MTHFSD: variants seen among roughly 807,000 people sequenced by gnomAD.
MTHFSD encodes the protein methenyltetrahydrofolate synthase domain-containing protein.
MTHFSD carries 37 observed loss-of-function variants against 31.1 expected under a neutral mutation model. The observed-to-expected ratio is 1.19, with a 90% CI of 0.91 to 1.56. The LOEUF (loss-of-function observed/expected upper bound fraction) is 1.56, where lower values mean the gene tolerates loss of function less well. MTHFSD is among the 40% of genes most tolerant of loss of function. The probability of loss-of-function intolerance (pLI) is 0.00; values close to 1 mark genes in which losing one functional copy is unlikely to be tolerated. For synonymous variants in MTHFSD, 221 were observed against 206.9 expected, an observed-to-expected ratio of 1.07 and a Z score of -0.59; for missense variants, 664 against 510.1, an observed-to-expected ratio of 1.30 and a Z score of -2.91.
intron 2 of MTHFSD, among the ~76,000 whole-genome samples, chr16:86,554,105 C>G (rs138717117): frequency 6.6e-6 from 1 of 152,274 alleles, no homozygotes; most frequent in African/African-American, 2.4e-5. Context: ...GAACCAGCAG[C>G]AACAACCCTC....
intron 7 of MTHFSD, chr16:86,540,945 T>C: frequency 8.7e-7 from 1 of 1,149,912 alleles, no homozygotes; most frequent in Non-Finnish European, 1.1e-6. Flanking sequence ...GTATTCTGTG[T>C]TCATCCTTAG....
At chr16:86,540,807 G>A (rs552602211) in intron 7 of MTHFSD, 2 of 1,013,712 alleles carry the variant, frequency 2.0e-6, no homozygotes, top group African/African-American at 1.7e-5. Context: ...TACACTCTGG[G>A]TTACAAAGGC....
At position 86,539,919 on chromosome 16, in the gene MTHFSD, AAAACCTAT is replaced by A. The variant is rs4029976; in HGVS notation, c.681+1770_681+1777del. ...GCCAAGAGGTAAATTCTTAGATTCTAAAACCTATAAACCTATAAACCTATCACTATAAT... is the reference window on the plus strand; with the variant it reads ...GCCAAGAGGTAAATTCTTAGATTCTAAAACCTATAAACCTATCACTATAAT... On this transcript the variant is annotated intron_variant, in intron 7 of 7. Transcript: ENST00000360900. Among the ~76,000 whole-genome samples, 15 of 152,310 alleles carry A rather than the reference AAAACCTAT, an allele frequency of 9.8e-5. No homozygotes were observed. In the East Asian group the frequency reaches 2.1e-3, roughly 22 times the overall value.
At chr16:86,534,466 G>C (rs1032086976) in intron 7 of MTHFSD, among the ~76,000 whole-genome samples, 1 of 152,214 alleles carries the variant, frequency 6.6e-6, no homozygotes, top group Non-Finnish European at 1.5e-5. Flanking sequence ...CCATAGGGAA[G>C]CTTGAGGTGC....
intron 7 of MTHFSD, among the ~76,000 whole-genome samples, chr16:86,540,547 A>T (rs1003067449): frequency 2.0e-5 from 3 of 152,206 alleles, no homozygotes; most frequent in Admixed American, 1.3e-4. Flanking sequence ...GCAGGCCTAG[A>T]GGGACTGCCA....
chr16:86,547,432 G>T, intron 4 of MTHFSD: 7 of 985,916 alleles, frequency 7.1e-6, no homozygotes, highest in Non-Finnish European at 8.4e-6. Flanking sequence ...GACAAGTTCC[G>T]TATGGATCAG....
At chr16:86,555,099 C>T (rs1973903082) in intron 1 of MTHFSD, 70 bp downstream of exon 1, 1 of 1,521,136 alleles carries the variant, frequency 6.6e-7, no homozygotes, top group African/African-American at 1.4e-5. Context: ...GTGGCCCCGC[C>T]TCGACCCTCA....
In MTHFSD at chr16:86,552,045, C is replaced by A. The variant is rs764529748; in HGVS notation, c.225G>T (p.Leu75=). The change falls in exon 3 of 8, where the codon CTG becomes CTT. Residue 75 remains leucine (L), a synonymous_variant. Transcript: ENST00000360900. The part of the protein sequence containing the change: ...DPDKPLEGVR[L]LVLQSKKTLL... Reference sequence around the variant, plus strand: ...GAAGTGGAATTACCTGCAGCACCAGCAGCCGAACGCCTTCCAGTGGTTTAT... The same window carrying A: ...GAAGTGGAATTACCTGCAGCACCAGAAGCCGAACGCCTTCCAGTGGTTTAT... 41 of 1,614,226 alleles carry A rather than the reference C, an allele frequency of 2.5e-5. No homozygotes were observed. In the South Asian group the frequency reaches 3.0e-4, roughly 12 times the overall value.
chr16:86,541,116 G>A, intron 7 of MTHFSD: 1 of 1,280,302 alleles, frequency 7.8e-7, no homozygotes. Flanking sequence ...TTTGCCAGCA[G>A]AGACAGCATC....
At chr16:86,548,985 G>A (rs1440274570) in intron 3 of MTHFSD, among the ~76,000 whole-genome samples, 2 of 152,196 alleles carry the variant, frequency 1.3e-5, no homozygotes, top group Middle Eastern at 3.2e-3. Flanking sequence ...ATTAGAAACT[G>A]GCATGGCATA....
Position 86,546,663 on chromosome 16 carries a change from T to C in MTHFSD, c.352-14A>G, listed in dbSNP as rs200054917. The C allele has an allele frequency of 4.4e-4, 707 of 1,607,212 alleles. 3 individuals carry two copies. The African/African-American group carries it at 8.4e-3, about 19-fold the overall frequency. On this transcript the variant is annotated splice_polypyrimidine_tract_variant and intron_variant, in intron 4 of 7. Transcript: ENST00000360900. ...GTTCCTCACACCCTGCACACAGAGA[T>C]ACGGATTGGAAAACTTCAACTCCAG...
Position 86,541,675 on chromosome 16 carries a change from G to A in MTHFSD, c.681+22C>T, listed in dbSNP as rs9674116. On this transcript the variant is annotated intron_variant, in intron 7 of 7. Transcript: ENST00000360900. ...AGGAGCCGCTAAGCTACAGGCCAGA[G>A]CTGGCCACTGCCGTGACCCACCTTG... The A allele has an allele frequency of 2.7e-3, 4,418 of 1,608,480 alleles. 96 individuals carry two copies. In the African/African-American group the frequency reaches 0.05, roughly 18 times the overall value.
chr16:86,545,826 A>G (rs576542841), intron 5 of MTHFSD, among the ~76,000 whole-genome samples: 1 of 152,350 alleles, frequency 6.6e-6, no homozygotes, highest in African/African-American at 2.4e-5. Context: ...ATACCAGAAC[A>G]GTGCGCTCCT....
At chr16:86,540,683 A>G (rs1971374624) in intron 7 of MTHFSD, 1 of 987,514 alleles carries the variant, frequency 1.0e-6, no homozygotes, top group Non-Finnish European at 1.2e-6. Context: ...GCTGTGGACC[A>G]GAGTTCCCAA....
chr16:86,547,504 C>A (rs1339404170), intron 4 of MTHFSD: 2 of 986,308 alleles, frequency 2.0e-6, no homozygotes, highest in East Asian at 2.3e-4. Context: ...CCAGGAAACC[C>A]TGCACTGCAG....
At chr16:86,554,853 C>A (rs147269932) in intron 1 of MTHFSD, 102 bp from the exon 2 acceptor site, 1 of 1,127,366 alleles carries the variant, frequency 8.9e-7, no homozygotes, top group African/African-American at 1.6e-5. Flanking sequence ...TAGGTCAAAC[C>A]GGCTTCCGAT....
chr16:86,551,960 A>T, intron 3 of MTHFSD, 73 bp downstream of exon 3: 1 of 1,598,102 alleles, frequency 6.3e-7, no homozygotes, highest in South Asian at 1.1e-5. Context: ...AGACGTGTGC[A>T]CTGACCAGCT....
chr16:86,541,939 G>A, intron 6 of MTHFSD, 117 bp from the exon 7 acceptor site: 1 of 1,444,240 alleles, frequency 6.9e-7, no homozygotes, highest in East Asian at 2.3e-5. Context: ...ATCCACTCTG[G>A]GGCTAAGGCT....
rs374691928 is a variant in MTHFSD at position 86,537,030 on chromosome 16, TG to T, written c.682-4550del. On this transcript the variant is annotated intron_variant, in intron 7 of 7. Transcript: ENST00000360900. ...TCTCATTTCTACTAACTGGGTACCC[TG>T]GGAACAGAGATAGCTACCTTGCTGC... Among the ~76,000 whole-genome samples, 387 of 152,304 alleles carry T rather than the reference TG, an allele frequency of 2.5e-3. 2 individuals are homozygous for T. Among genetic ancestry groups the T allele is most frequent in the African/African-American group, 8.9e-3 (371 of 41,572 alleles).
Sources: gnomAD v4.1 joint callset for allele counts (sites outside exome capture counted in the v4.1 genomes callset) on GRCh38, gnomAD v4.1.1 for gene constraint, MANE v1.5 for transcripts, NCBI Gene and HGNC (gene_info 2026-07-23, HGNC 2026-07-21) for gene names.